Variants in MGAT4C observed in about 807,000 individuals in gnomAD.
The protein encoded by MGAT4C is MGAT4 family member C.
MGAT4C carries 19 observed loss-of-function variants against 40.1 expected under a neutral mutation model. The ratio of observed to expected loss-of-function variants is 0.47; its 90% CI spans 0.33 to 0.70. The LOEUF (loss-of-function observed/expected upper bound fraction) is 0.70. Ranked by LOEUF, MGAT4C falls within the 30% of genes least tolerant of loss-of-function variation. MGAT4C has a pLI of 0.02. For missense variants in MGAT4C, 491 were observed against 563.2 expected, an observed-to-expected ratio of 0.87 and a Z score of 1.30; for synonymous variants, 181 against 187.1, an observed-to-expected ratio of 0.97 and a Z score of 0.27.
chr12:86,604,875 A>G (rs1420928419), intron 2 of MGAT4C, among the ~76,000 whole-genome samples: 1 of 152,060 alleles, frequency 6.6e-6, no homozygotes, highest in African/African-American at 2.4e-5. Context: ...AGGTCATAAG[A>G]CTCTAGGGAG....
In MGAT4C at chr12:85,974,651, T is replaced by A. The variant is rs1015131402; in HGVS notation, c.*4638A>T. The stretch of plus-strand genomic sequence containing the variant: ...ATGCCAAAAAGTAATAAAAGATATA[T>A]CCTCTGTTTGGGATAAATAAAAAAA... On this transcript the variant is annotated 3_prime_UTR_variant, in exon 5 of 5. Coordinates refer to ENST00000611864, the MANE Select transcript of MGAT4C (RefSeq NM_001351288.2). The A allele has an allele frequency of 2.0e-5, 3 of 149,964 alleles. No homozygotes were observed. Among genetic ancestry groups the A allele is most frequent in the Non-Finnish European group, 4.5e-5 (3 of 66,794 alleles). The allele number at this position is 149,964 out of a possible 1,614,324, so 9.3% of individuals were successfully genotyped here.
At chr12:86,304,181 A>G (rs753825575) in intron 4 of MGAT4C, among the ~76,000 whole-genome samples, 1 of 150,734 alleles carries the variant, frequency 6.6e-6, no homozygotes, top group Non-Finnish European at 1.5e-5. Flanking sequence ...GTATTATATC[A>G]GTGTCAAAAA....
intron 4 of MGAT4C, among the ~76,000 whole-genome samples, chr12:86,315,231 T>C (rs1042469328): frequency 9.2e-5 from 14 of 152,056 alleles, no homozygotes; most frequent in African/African-American, 2.9e-4. Flanking sequence ...ATCTGGTCTT[T>C]GACAAAGTTA....
intron 2 of MGAT4C, among the ~76,000 whole-genome samples, chr12:86,626,340 G>A (rs551388181): frequency 2.6e-5 from 4 of 152,120 alleles, no homozygotes; most frequent in Admixed American, 6.5e-5. Context: ...ACAAACAGTA[G>A]AATCTTATTT....
chr12:86,664,105 T>C (rs1419952265), intron 2 of MGAT4C, among the ~76,000 whole-genome samples: 3 of 151,980 alleles, frequency 2.0e-5, no homozygotes, highest in Non-Finnish European at 4.4e-5. Flanking sequence ...TTCTGAACAC[T>C]GTTTATCATC....
chr12:86,093,855 T>TA (rs1873379506), intron 1 of MGAT4C, among the ~76,000 whole-genome samples: 1 of 152,322 alleles, frequency 6.6e-6, no homozygotes, highest in East Asian at 1.9e-4. Flanking sequence ...GTCACCTCCT[T>TA]AAATGTAGTC....
At chr12:86,704,186 A>G (rs950609429) in intron 2 of MGAT4C, among the ~76,000 whole-genome samples, 1 of 152,160 alleles carries the variant, frequency 6.6e-6, no homozygotes, top group African/African-American at 2.4e-5. Flanking sequence ...AAAGGTTATT[A>G]TCCCATGAAT....
intron 2 of MGAT4C, among the ~76,000 whole-genome samples, chr12:86,021,223 C>G (rs560700613): frequency 1.2e-4 from 18 of 152,132 alleles, no homozygotes; most frequent in Non-Finnish European, 2.4e-4. Context: ...TTTGACCCAG[C>G]CATCTCATTA....
intron 2 of MGAT4C, among the ~76,000 whole-genome samples, chr12:85,990,751 C>T (rs1190778818): frequency 6.6e-6 from 1 of 152,010 alleles, no homozygotes; most frequent in Admixed American, 6.6e-5. Context: ...ATATTACTGT[C>T]CATTTTCTTT....
At chr12:86,001,724 T>C (rs985856579) in intron 2 of MGAT4C, 1 of 757,776 alleles carries the variant, frequency 1.3e-6, no homozygotes, top group Admixed American at 6.3e-5. Flanking sequence ...TCTTACTTCC[T>C]GTTTCTGTCT....
rs577038315 is a variant in MGAT4C at position 86,509,779 on chromosome 12, C to T, written c.-228-74514G>A. 2.5e-3 allele frequency among the ~76,000 whole-genome samples: 379 copies of T among 152,276 alleles called. 2 individuals are homozygous for T. The highest frequency in any genetic ancestry group is 3.6e-3 in the Non-Finnish European group (244 of 68,030). ...TTCTCCTTGAAGAGGTCCTTCACAT[C>T]CCTTGTAAGTTGGATTCCTAGGTAT... On this transcript the variant is annotated intron_variant, in intron 2 of 7. Coordinates refer to the MGAT4C transcript ENST00000548651.
At chr12:86,061,202 A>G (rs1893927143) in intron 1 of MGAT4C, among the ~76,000 whole-genome samples, 2 of 152,136 alleles carry the variant, frequency 1.3e-5, no homozygotes, top group Non-Finnish European at 2.9e-5. Context: ...GTGCAGCCCA[A>G]GGAGGGCAAG....
At chr12:86,186,395 C>T (rs754329631) in intron 1 of MGAT4C, among the ~76,000 whole-genome samples, 6 of 152,190 alleles carry the variant, frequency 3.9e-5, no homozygotes, top group Non-Finnish European at 5.9e-5. Context: ...ACATGGTGTC[C>T]GTGGCTTTCA....
intron 1 of MGAT4C, among the ~76,000 whole-genome samples, chr12:86,091,034 A>C (rs1389309402): frequency 6.6e-6 from 1 of 151,968 alleles, no homozygotes; most frequent in Non-Finnish European, 1.5e-5. Context: ...ATGTCACATA[A>C]TGTACCAAGT....
At chr12:86,031,371 C>A (rs115131380) in intron 2 of MGAT4C, among the ~76,000 whole-genome samples, 15 of 151,742 alleles carry the variant, frequency 9.9e-5, no homozygotes, top group African/African-American at 3.6e-4. Flanking sequence ...TTCTTTTTCT[C>A]TGGTTTTGCT....
chr12:86,389,761 G>A (rs920279788), intron 3 of MGAT4C, among the ~76,000 whole-genome samples: 2 of 152,032 alleles, frequency 1.3e-5, no homozygotes, highest in African/African-American at 4.8e-5. Flanking sequence ...AATGCTGAAG[G>A]TTCTTTTCCA....
At chr12:86,023,811 C>A (rs1025029051) in intron 2 of MGAT4C, among the ~76,000 whole-genome samples, 2 of 151,454 alleles carry the variant, frequency 1.3e-5, no homozygotes, top group Non-Finnish European at 3.0e-5. Flanking sequence ...AGTGTTTGTT[C>A]TTGTTTATCC....
At chr12:86,304,738 T>A (rs1953893353) in intron 4 of MGAT4C, among the ~76,000 whole-genome samples, 1 of 150,732 alleles carries the variant, frequency 6.6e-6, no homozygotes, top group South Asian at 2.1e-4. Context: ...TAATCCAATA[T>A]GACAGATGTC....
At chr12:86,809,466 C>T (rs1593227801) in intron 1 of MGAT4C, among the ~76,000 whole-genome samples, 1 of 151,884 alleles carries the variant, frequency 6.6e-6, no homozygotes, top group Admixed American at 6.6e-5. Context: ...CAAATTGGTT[C>T]CCAGAGTATA....
Sources: gnomAD v4.1 joint callset for allele counts (sites outside exome capture counted in the v4.1 genomes callset) on GRCh38, gnomAD v4.1.1 for gene constraint, MANE v1.5 for transcripts, NCBI Gene and HGNC (gene_info 2026-07-23, HGNC 2026-07-21) for gene names.